Variants in MRFAP1L2 observed in about 807,000 individuals in gnomAD.
MRFAP1L2 encodes the protein Morf4 family associated protein 1 like 2, also known as MORF4 family-associated protein 1-like protein UPP.
the MRFAP1L2 span, chr4:6,675,890 CCA>C: frequency 6.6e-6 from 1 of 152,136 alleles, no homozygotes; most frequent in African/African-American, 2.4e-5. Flanking sequence ...AGCCCAGACT[CCA>C]CAGAGACTAA....
the MRFAP1L2 span, chr4:6,674,801 G>A: frequency 2.1e-6 from 1 of 467,780 alleles, no homozygotes; most frequent in East Asian, 3.7e-5. Flanking sequence ...CTACGTGGGG[G>A]GAGAGAGGTG....
At chr4:6,674,101 A>C in the MRFAP1L2 span, 1 of 383,946 alleles carries the variant, frequency 2.6e-6, no homozygotes, top group Non-Finnish European at 4.6e-6. Flanking sequence ...CTCGCTGCGG[A>C]AAGTTGGGGC....
chr4:6,674,809 G>A, the MRFAP1L2 span: 5 of 457,774 alleles, frequency 1.1e-5, no homozygotes, highest in Non-Finnish European at 1.9e-5. Flanking sequence ...GGGGAGAGAG[G>A]TGTGAAGCGG....
At chr4:6,674,321 G>A in the MRFAP1L2 span, 2 of 619,320 alleles carry the variant, frequency 3.2e-6, no homozygotes, top group Admixed American at 2.7e-5. Flanking sequence ...CCTGGAGCGC[G>A]AGCGCGCCCG....
chr4:6,674,594 T>C, the MRFAP1L2 span: 19 of 611,226 alleles, frequency 3.1e-5, no homozygotes, highest in Non-Finnish European at 4.9e-5. Context: ...CGCGCGGGTC[T>C]GGAGCGGAGC....
the MRFAP1L2 span, chr4:6,675,760 C>G: frequency 6.6e-6 from 1 of 152,084 alleles, no homozygotes; most frequent in African/African-American, 2.4e-5. Flanking sequence ...CAGTCTCTGC[C>G]ACAGATGCAT....
At chr4:6,674,551 C>G in the MRFAP1L2 span, 3 of 661,430 alleles carry the variant, frequency 4.5e-6, no homozygotes, top group East Asian at 6.3e-5. Context: ...ACCAGCGGAT[C>G]GCCGGCTGCG....
At chr4:6,674,222 G>C in the MRFAP1L2 span, 1 of 403,932 alleles carries the variant, frequency 2.5e-6, no homozygotes, top group Non-Finnish European at 4.4e-6. Flanking sequence ...GATGCGGCCC[G>C]TGGACGCGGA....
At chr4:6,674,326 C>T in the MRFAP1L2 span, 4 of 625,480 alleles carry the variant, frequency 6.4e-6, no homozygotes, top group African/African-American at 1.9e-5. Context: ...AGCGCGAGCG[C>T]GCCCGGGCGC....
At chr4:6,674,308 C>T in the MRFAP1L2 span, 18 of 599,894 alleles carry the variant, frequency 3.0e-5, no homozygotes, top group African/African-American at 3.3e-4. Context: ...AGAACCTGGC[C>T]TCCCTGGAGC....
At chr4:6,674,130 T>G in the MRFAP1L2 span, 1 of 384,770 alleles carries the variant, frequency 2.6e-6, no homozygotes, top group Non-Finnish European at 4.6e-6. Context: ...GCTAGTCTGG[T>G]CGTTGGTGAC....
chr4:6,675,141 G>A, the MRFAP1L2 span: 4 of 152,222 alleles, frequency 2.6e-5, no homozygotes, highest in African/African-American at 4.8e-5. Flanking sequence ...CCATCCTGGC[G>A]GATGACTTCA....
chr4:6,675,472 G>C, the MRFAP1L2 span: 1 of 146,072 alleles, frequency 6.8e-6, no homozygotes, highest in Non-Finnish European at 1.5e-5. Flanking sequence ...TGCGACTTTG[G>C]ATGAGATTAA....
the MRFAP1L2 span, chr4:6,674,853 G>C: frequency 2.7e-6 from 1 of 375,910 alleles, no homozygotes; most frequent in East Asian, 4.4e-5. Flanking sequence ...ATGTTGTTAC[G>C]AGATTGGAGC....
the MRFAP1L2 span, chr4:6,674,676 C>T: frequency 7.8e-5 from 41 of 526,002 alleles, 1 homozygote; most frequent in South Asian, 5.9e-4. Flanking sequence ...GCCACGCTCT[C>T]CGCGGAGTTG....
the MRFAP1L2 span, chr4:6,674,290 C>A: frequency 1.1e-5 from 6 of 523,480 alleles, no homozygotes; most frequent in African/African-American, 2.0e-5. Flanking sequence ...CGCCCCGCGC[C>A]GGCCGCGAGA....
chr4:6,674,610 G>T, the MRFAP1L2 span: 4 of 594,682 alleles, frequency 6.7e-6, no homozygotes, highest in African/African-American at 2.0e-5. Flanking sequence ...GGAGCGCGGC[G>T]GGGAGTGTCC....
chr4:6,674,423 C>G, the MRFAP1L2 span: 1 of 653,422 alleles, frequency 1.5e-6, no homozygotes, highest in Non-Finnish European at 2.7e-6. Flanking sequence ...GCGGGGCGCC[C>G]GGGCCCCAGC....
At chr4:6,675,324 G>T in the MRFAP1L2 span, 2 of 152,218 alleles carry the variant, frequency 1.3e-5, no homozygotes, top group Non-Finnish European at 2.9e-5. Flanking sequence ...AAGTATACTC[G>T]TGTGCTTTGC....
Sources: allele counts gnomAD v4.1 joint callset, GRCh38; gene constraint gnomAD v4.1.1; transcripts MANE v1.5; gene names NCBI Gene and HGNC (gene_info 2026-07-23, HGNC 2026-07-21).